CCDC85C: variants seen among roughly 807,000 people sequenced by gnomAD.
CCDC85C encodes coiled-coil domain-containing protein 85C.
Under a neutral mutation model 38.3 loss-of-function variants are expected in CCDC85C, and 18 were observed. The observed-to-expected ratio is 0.47, with a 90% CI of 0.33 to 0.70. The LOEUF (loss-of-function observed/expected upper bound fraction) is 0.70. CCDC85C is among the 30% of genes least tolerant of loss of function. The pLI, the probability that CCDC85C is intolerant of heterozygous loss-of-function variation, is 0.03. For missense variants in CCDC85C, 566 were observed against 621.2 expected (o/e 0.91, Z 0.94); for synonymous variants, 264 against 293.8 (o/e 0.90, Z 1.04).
chr14:99,596,743 C>T (rs1268756030), intron 1 of CCDC85C, among the ~76,000 whole-genome samples: 2 of 152,172 alleles, frequency 1.3e-5, no homozygotes, highest in Non-Finnish European at 1.5e-5. Context: ...TTTGGGGATG[C>T]CAATAGAGTC....
In CCDC85C at chr14:99,590,870, C is replaced by T. The variant is rs762129289; in HGVS notation, c.793+12297G>A. 2.0e-5 allele frequency among the ~76,000 whole-genome samples: 3 copies of T among 152,178 alleles called. No homozygotes were observed. In the South Asian group the frequency reaches 6.2e-4, roughly 31 times the overall value. On this transcript the variant is annotated intron_variant, in intron 1 of 5. Transcript: ENST00000380243. ...CTCGATGAGTCATGACAGGAAAGCA[C>T]CACAAGGCTGCAGTGAGCAGGGGCC...
chr14:99,563,956 G>A (rs913791661), intron 1 of CCDC85C, among the ~76,000 whole-genome samples: 2 of 152,174 alleles, frequency 1.3e-5, no homozygotes, highest in African/African-American at 2.4e-5. Context: ...TTCAAGCATC[G>A]CTTCAAGTAA....
At chr14:99,593,134 G>A (rs996962843) in intron 1 of CCDC85C, among the ~76,000 whole-genome samples, 2 of 152,372 alleles carry the variant, frequency 1.3e-5, no homozygotes, top group South Asian at 2.1e-4. Flanking sequence ...GCCGTGCGCG[G>A]TGACAGGCGG....
chr14:99,555,356 C>T lies in CCDC85C; in HGVS notation c.794-19268G>A, dbSNP rs896555532. On this transcript the variant is annotated intron_variant, in intron 1 of 5. Transcript: ENST00000380243. ...GACCTTGGGACTCTAGGGTGTCCGCCGGCTTGTCCAAGGCTACAGGTCAAG... is the reference window on the plus strand; with the variant it reads ...GACCTTGGGACTCTAGGGTGTCCGCTGGCTTGTCCAAGGCTACAGGTCAAG... Among the ~76,000 whole-genome samples the T allele has an allele frequency of 3.9e-5, 6 of 152,156 alleles. No homozygotes were observed. In the South Asian group the frequency reaches 6.2e-4, roughly 16 times the overall value.
chr14:99,582,326 A>G (rs1397336072), intron 1 of CCDC85C, among the ~76,000 whole-genome samples: 1 of 152,214 alleles, frequency 6.6e-6, no homozygotes, highest in Non-Finnish European at 1.5e-5. Flanking sequence ...CATGAGGTGT[A>G]CAAAGAACAG....
chr14:99,547,503 G>A (rs761523196), intron 1 of CCDC85C, among the ~76,000 whole-genome samples: 4 of 152,212 alleles, frequency 2.6e-5, no homozygotes, highest in Non-Finnish European at 4.4e-5. Flanking sequence ...GCTGGGCACA[G>A]TGGCTCATGC....
rs1164554192 is a variant in CCDC85C at position 99,603,185 on chromosome 14, T to C, written c.775A>G (p.Ile259Val). ...DLSAPPHHRS[I>V]PNGLHDPSST... The stretch of plus-strand genomic sequence containing the variant: ...TCCTTACCGTGCAGGCCGTTGGGGA[T>C]GCTGCGGTGGTGCGGCGGCGCCGAC... Residue 259 changes from isoleucine (I) to valine (V), a missense_variant, in exon 1 of 6, where the codon ATC (isoleucine) becomes GTC (valine). Physicochemically the swap from Ile to Val is conservative, Grantham distance 29. Coordinates refer to ENST00000380243, the MANE Select transcript of CCDC85C (RefSeq NM_001144995.2). This position sits in a 1 kb window ranked among gnomAD's most constrained non-coding sequence, Gnocchi z 7.5. The C allele has an allele frequency of 7.1e-7, 1 of 1,409,014 alleles. No individual in the cohort carries two copies. The highest frequency in any genetic ancestry group is 9.2e-7 in the Non-Finnish European group (1 of 1,083,078). The allele number at this position is 1,409,014 out of a possible 1,614,324, so 87.3% of individuals were successfully genotyped here.
At chr14:99,541,817 C>G (rs185941654) in intron 1 of CCDC85C, among the ~76,000 whole-genome samples, 12 of 152,192 alleles carry the variant, frequency 7.9e-5, no homozygotes, top group Non-Finnish European at 1.8e-4. Context: ...TATCCTCTCT[C>G]CATAGAAGGT....
rs1399417817 is a variant in CCDC85C, at chr14:99,504,093, C to T, written c.*11153G>A. On this transcript the variant is annotated 3_prime_UTR_variant, in exon 6 of 6. Transcript: ENST00000380243. ...CCTTGCAGGCAAGGCCTCTTTGAAACACACTTGGGTTGAGGTGCTGTCACA... is the reference window on the plus strand; with the variant it reads ...CCTTGCAGGCAAGGCCTCTTTGAAATACACTTGGGTTGAGGTGCTGTCACA... 2.6e-6 allele frequency: 1 copy of T among 388,750 alleles called. No individual in the cohort carries two copies. The highest frequency in any genetic ancestry group is 3.2e-5 in the Admixed American group (1 of 31,282). 24.1% of individuals were successfully genotyped at this position (388,750 alleles called of 1,614,324 possible).
intron 1 of CCDC85C, among the ~76,000 whole-genome samples, chr14:99,543,126 G>T (rs780060223): frequency 6.6e-6 from 1 of 152,162 alleles, no homozygotes; most frequent in African/African-American, 2.4e-5. Context: ...CCCATCATAG[G>T]GGGAGAGAAA....
chr14:99,522,425 A>G (rs1897316203), intron 2 of CCDC85C, 185 bp from the exon 3 acceptor site: 1 of 531,244 alleles, frequency 1.9e-6, no homozygotes, highest in South Asian at 2.5e-5. Context: ...CACTCTCCCC[A>G]GCTCAAATGT....
rs189098090 is a variant in CCDC85C, at chr14:99,579,427, G to A, written c.793+23740C>T. On this transcript the variant is annotated intron_variant, in intron 1 of 5. Transcript: ENST00000380243. ...GTGGGCTCAGAGATACTCACACAGT[G>A]AGTGGGACCTACAGGGGAGCTGGCA... 2.0e-4 allele frequency among the ~76,000 whole-genome samples: 31 copies of A among 152,340 alleles called. 1 individual carries two copies. In the East Asian group the frequency reaches 6.0e-3, roughly 29 times the overall value.
Position 99,503,093 on chromosome 14 carries a change from G to A in CCDC85C, c.*12153C>T, listed in dbSNP as rs1896879087. The A allele has an allele frequency of 2.3e-6, 3 of 1,285,256 alleles. No homozygotes were observed. Among genetic ancestry groups the A allele is most frequent in the East Asian group, 4.6e-5 (2 of 43,384 alleles). 79.6% of individuals were successfully genotyped at this position (1,285,256 alleles called of 1,614,324 possible). On this transcript the variant is annotated 3_prime_UTR_variant, in exon 6 of 6. Transcript: ENST00000380243. ...GCACAGGGAACACCGGAAGCAGGGG[G>A]TGTTCGCCGAAACTCGCAGTCCGAC...
rs1174287322 is a variant in CCDC85C, at chr14:99,509,948, C to T, written c.*5298G>A. ...TGAGGGAGGGAAAACCCCAGGTCGTCGCAGACAGGGTGGAGGGCCTTCTTG... is the reference window on the plus strand; with the variant it reads ...TGAGGGAGGGAAAACCCCAGGTCGTTGCAGACAGGGTGGAGGGCCTTCTTG... On this transcript the variant is annotated 3_prime_UTR_variant, in exon 6 of 6. Transcript: ENST00000380243. 5.0e-6 allele frequency: 3 copies of T among 603,668 alleles called. No homozygotes were observed. The highest frequency in any genetic ancestry group is 8.8e-6 in the Non-Finnish European group (3 of 342,730). 37.4% of individuals were successfully genotyped at this position (603,668 alleles called of 1,614,324 possible).
At position 99,503,020 on chromosome 14, in the gene CCDC85C, C is replaced by A; in HGVS notation, c.*12226G>T. On this transcript the variant is annotated 3_prime_UTR_variant, in exon 6 of 6. Coordinates refer to ENST00000380243, the MANE Select transcript of CCDC85C (RefSeq NM_001144995.2). ...TAAAGCAGGCCCTGGGTAGAGCAGG[C>A]TTTCCAGGTGGCGGCAACACCTGAG... 6.2e-7 allele frequency: 1 copy of A among 1,612,036 alleles called. No homozygotes were observed. Among genetic ancestry groups the A allele is most frequent in the Non-Finnish European group, 8.5e-7 (1 of 1,178,286 alleles).
chr14:99,550,764 T>C (rs975522788), intron 1 of CCDC85C, among the ~76,000 whole-genome samples: 3 of 152,160 alleles, frequency 2.0e-5, no homozygotes, highest in African/African-American at 7.2e-5. Flanking sequence ...CTGTCCGACC[T>C]TGATGGAAAG....
chr14:99,563,359 C>T (rs980331472), intron 1 of CCDC85C, among the ~76,000 whole-genome samples: 1 of 152,280 alleles, frequency 6.6e-6, no homozygotes, highest in African/African-American at 2.4e-5. Context: ...CTCTGCAAGG[C>T]AATCGCTCAT....
In CCDC85C at chr14:99,510,493, C is replaced by A; in HGVS notation, c.*4753G>T. ...GTCTACCCGCCCAACCCGCCCCCGC[C>A]ACCTGTGCCTCCTCCCCCAGCCTCC... On this transcript the variant is annotated 3_prime_UTR_variant, in exon 6 of 6. Transcript: ENST00000380243. 1.7e-6 allele frequency: 2 copies of A among 1,199,558 alleles called. No homozygotes were observed. Among genetic ancestry groups the A allele is most frequent in the Non-Finnish European group, 1.2e-6 (1 of 860,480 alleles). The allele number at this position is 1,199,558 out of a possible 1,614,324, so 74.3% of individuals were successfully genotyped here.
intron 1 of CCDC85C, among the ~76,000 whole-genome samples, chr14:99,594,947 G>T (rs1397186104): frequency 6.6e-6 from 1 of 152,236 alleles, no homozygotes; most frequent in Non-Finnish European, 1.5e-5. Context: ...GAAAGATGGG[G>T]ATAAGCTGTA....
Sources: gnomAD v4.1 joint callset for allele counts (sites outside exome capture counted in the v4.1 genomes callset) on GRCh38, gnomAD v4.1.1 for gene constraint, Gnocchi (gnomAD v3.1) non-coding constraint, MANE v1.5 for transcripts, NCBI Gene and HGNC (gene_info 2026-07-23, HGNC 2026-07-21) for gene names.